The following TMEM163 variants were observed in gnomAD, a reference collection of about 807,000 sequenced individuals.
TMEM163 encodes transmembrane protein 163.
TMEM163 carries 17 observed loss-of-function variants against 29.3 expected under a neutral mutation model. That is an observed-to-expected ratio of 0.58 (90% confidence interval 0.40 to 0.87). The LOEUF (loss-of-function observed/expected upper bound fraction) is 0.87, where lower values mean the gene tolerates loss of function less well. Ranked by LOEUF, TMEM163 falls within the 40% of genes least tolerant of loss-of-function variation. TMEM163 has a pLI of 0.00. For synonymous variants in TMEM163, 157 were observed against 160.6 expected, an observed-to-expected ratio of 0.98 and a Z score of 0.17; for missense variants, 303 against 381.5, an observed-to-expected ratio of 0.79 and a Z score of 1.71.
At chr2:134,463,199 G>A (rs1269394546) in intron 6 of TMEM163, among the ~76,000 whole-genome samples, 1 of 152,208 alleles carries the variant, frequency 6.6e-6, no homozygotes, top group Non-Finnish European at 1.5e-5. Context: ...ATCCCTACAG[G>A]GCTGGGCCAG....
chr2:134,470,977 G>T (rs1686787599), intron 5 of TMEM163, among the ~76,000 whole-genome samples: 1 of 152,234 alleles, frequency 6.6e-6, no homozygotes, highest in Admixed American at 6.5e-5. Flanking sequence ...TTCAACACCA[G>T]CCTGGGCAAC....
rs115691466 is a variant in TMEM163, at chr2:134,545,999, T to C, written c.458+4571A>G. On this transcript the variant is annotated intron_variant, in intron 4 of 7. Coordinates refer to ENST00000281924, the MANE Select transcript of TMEM163 (RefSeq NM_030923.5). Reference sequence around the variant, plus strand: ...CCCTTGCCCCTCCTTCTATATTACCTGTTGAAAATCCTGGCCATGAGTAAA... The same window carrying C: ...CCCTTGCCCCTCCTTCTATATTACCCGTTGAAAATCCTGGCCATGAGTAAA... Among the ~76,000 whole-genome samples, 1,145 of 152,268 alleles carry C rather than the reference T, an allele frequency of 7.5e-3. 18 individuals are homozygous for C. The highest frequency in any genetic ancestry group is 0.026 in the African/African-American group (1,097 of 41,534).
At chr2:134,586,258 T>C (rs1435386741) in intron 2 of TMEM163, among the ~76,000 whole-genome samples, 1 of 152,216 alleles carries the variant, frequency 6.6e-6, no homozygotes, top group Non-Finnish European at 1.5e-5. Context: ...ACTAGGTGGC[T>C]TAACCAGGAG....
At chr2:134,672,556 T>C (rs574711369) in intron 2 of TMEM163, among the ~76,000 whole-genome samples, 1 of 152,250 alleles carries the variant, frequency 6.6e-6, no homozygotes, top group East Asian at 1.9e-4. Flanking sequence ...TATTTTTTTT[T>C]TGTAGAGACA....
intron 2 of TMEM163, among the ~76,000 whole-genome samples, chr2:134,673,068 C>T (rs1172608576): frequency 6.6e-6 from 1 of 152,132 alleles, no homozygotes; most frequent in South Asian, 2.1e-4. Flanking sequence ...ACTTTTGGCT[C>T]ATAAACCCCA....
In TMEM163 at chr2:134,686,751, C is replaced by T. The variant is rs150094825; in HGVS notation, c.322+26449G>A. 7.9e-3 allele frequency among the ~76,000 whole-genome samples: 1,196 copies of T among 152,288 alleles called. 12 individuals are homozygous for T. The highest frequency in any genetic ancestry group is 0.011 in the Non-Finnish European group (764 of 68,018). On this transcript the variant is annotated intron_variant, in intron 2 of 7. Transcript: ENST00000281924. ...AGGATCAGAGATTTTACCCTACTTG[C>T]AAGGTAACAAGTTAGTCAGCCAGTT...
chr2:134,519,512 C>A (rs537902560), intron 4 of TMEM163, among the ~76,000 whole-genome samples: 1 of 152,160 alleles, frequency 6.6e-6, no homozygotes, highest in South Asian at 2.1e-4. Flanking sequence ...GAGATCGAGA[C>A]CATCCTGGCT....
intron 2 of TMEM163, among the ~76,000 whole-genome samples, chr2:134,675,084 A>G (rs1684086774): frequency 6.6e-6 from 1 of 152,238 alleles, no homozygotes; most frequent in Non-Finnish European, 1.5e-5. Flanking sequence ...TCAGGTTGAC[A>G]GGATTAAGCA....
chr2:134,462,533 T>C (rs1372855907), intron 6 of TMEM163, among the ~76,000 whole-genome samples: 2 of 152,220 alleles, frequency 1.3e-5, no homozygotes, highest in African/African-American at 4.8e-5. Context: ...TTCCCCACTC[T>C]TCACCTGATT....
chr2:134,688,872 G>A (rs1475920369), intron 2 of TMEM163, among the ~76,000 whole-genome samples: 3 of 152,134 alleles, frequency 2.0e-5, no homozygotes, highest in Non-Finnish European at 2.9e-5. Context: ...TAGGTACTGA[G>A]TACATGAAAC....
chr2:134,694,718 C>G (rs1377763974), intron 2 of TMEM163, among the ~76,000 whole-genome samples: 2 of 152,154 alleles, frequency 1.3e-5, no homozygotes, highest in Non-Finnish European at 2.9e-5. Flanking sequence ...GGATTAGATC[C>G]AAACTCTCAC....
At chr2:134,533,341 C>G (rs1680454786) in intron 4 of TMEM163, among the ~76,000 whole-genome samples, 1 of 151,810 alleles carries the variant, frequency 6.6e-6, no homozygotes, top group East Asian at 1.9e-4. Context: ...TTCATTACAC[C>G]TAGTTGTGTG....
At chr2:134,623,883 C>T (rs1682791447) in intron 2 of TMEM163, among the ~76,000 whole-genome samples, 1 of 152,204 alleles carries the variant, frequency 6.6e-6, no homozygotes, top group Non-Finnish European at 1.5e-5. Context: ...GAATTTAGTA[C>T]TCTTTGCATT....
intron 4 of TMEM163, among the ~76,000 whole-genome samples, chr2:134,522,049 T>C (rs1680201530): frequency 6.6e-6 from 1 of 152,160 alleles, no homozygotes; most frequent in South Asian, 2.1e-4. Flanking sequence ...CTTCTGTCCG[T>C]TTCTCCGAAG....
Position 134,697,003 on chromosome 2 carries a change from T to C in TMEM163, c.322+16197A>G, listed in dbSNP as rs1040975537. Among the ~76,000 whole-genome samples, 41 of 152,184 alleles carry C rather than the reference T, an allele frequency of 2.7e-4. 1 individual carries two copies. The highest frequency in any genetic ancestry group is 2.9e-5 in the Non-Finnish European group (2 of 68,026). On this transcript the variant is annotated intron_variant, in intron 2 of 7. Transcript: ENST00000281924. ...GTTGGCCAGGCTGGTCTCGAATTCCTGACCTCAGGTGATCTGCCCACCTTG... is the reference window on the plus strand; with the variant it reads ...GTTGGCCAGGCTGGTCTCGAATTCCCGACCTCAGGTGATCTGCCCACCTTG...
chr2:134,663,772 G>A (rs971025691), intron 2 of TMEM163, among the ~76,000 whole-genome samples: 12 of 152,232 alleles, frequency 7.9e-5, no homozygotes, highest in East Asian at 7.7e-4. Context: ...GCAGCACGCC[G>A]GCTGCCCAGC....
chr2:134,525,367 G>A (rs780085840), intron 4 of TMEM163, among the ~76,000 whole-genome samples: 31 of 152,114 alleles, frequency 2.0e-4, no homozygotes, highest in Non-Finnish European at 1.9e-4. Context: ...GCAGCACCGC[G>A]TTAAATGATA....
intron 4 of TMEM163, among the ~76,000 whole-genome samples, chr2:134,514,383 C>CTT (rs150211429): frequency 7.2e-5 from 9 of 125,584 alleles, no homozygotes; most frequent in African/African-American, 1.5e-4. Flanking sequence ...TACTGATGAT[C>CTT]TTTTTTTTTT....
intron 2 of TMEM163, among the ~76,000 whole-genome samples, chr2:134,637,711 T>A (rs960702927): frequency 6.6e-6 from 1 of 152,206 alleles, no homozygotes; most frequent in East Asian, 1.9e-4. Flanking sequence ...ACAACCACCA[T>A]CACTCACCAA....
Sources: allele counts gnomAD v4.1 joint callset (sites outside exome capture counted in the v4.1 genomes callset), GRCh38; gene constraint gnomAD v4.1.1; transcripts MANE v1.5; gene names NCBI Gene and HGNC (gene_info 2026-07-23, HGNC 2026-07-21).